Variants in AGBL4 observed in about 807,000 individuals in gnomAD.
The protein encoded by AGBL4 is cytosolic carboxypeptidase 6.
AGBL4 carries 58 observed loss-of-function variants against 66.4 expected under a neutral mutation model. That is an observed-to-expected ratio of 0.87 (90% CI 0.71 to 1.09). AGBL4 has a LOEUF of 1.09. Among genes scored for constraint, AGBL4 ranks in the 50% least tolerant of loss-of-function variants. The pLI, the probability that AGBL4 is intolerant of heterozygous loss-of-function variation, is 0.00. For synonymous variants in AGBL4, 234 were observed against 222.9 expected (o/e 1.05, Z -0.44); for missense variants, 579 against 631.0 (o/e 0.92, Z 0.88).
intron 4 of AGBL4, among the ~76,000 whole-genome samples, chr1:49,207,148 T>C (rs1286900835): frequency 6.6e-6 from 1 of 152,124 alleles, no homozygotes; most frequent in Non-Finnish European, 1.5e-5. Context: ...CAGGAGGCTC[T>C]GGGCAGGAGC....
intron 1 of AGBL4, among the ~76,000 whole-genome samples, chr1:50,022,677 T>TC (rs1448007260): frequency 2.0e-5 from 3 of 148,356 alleles, no homozygotes; most frequent in Non-Finnish European, 4.5e-5. Flanking sequence ...CCAAAGTAAT[T>TC]CAAGTGGATC....
chr1:48,593,245 AC>A (rs1468265053), intron 9 of AGBL4, among the ~76,000 whole-genome samples: 4 of 152,110 alleles, frequency 2.6e-5, no homozygotes, highest in African/African-American at 7.2e-5. Context: ...CCATAAACAC[AC>A]CATTCAGATC....
At chr1:49,185,001 A>G (rs905241435) in intron 4 of AGBL4, among the ~76,000 whole-genome samples, 2 of 152,150 alleles carry the variant, frequency 1.3e-5, no homozygotes, top group African/African-American at 4.8e-5. Flanking sequence ...AAGTGTTTTC[A>G]TATGTATTTG....
chr1:49,463,747 G>C (rs917262877), intron 3 of AGBL4, among the ~76,000 whole-genome samples: 2 of 151,668 alleles, frequency 1.3e-5, no homozygotes, highest in African/African-American at 4.8e-5. Flanking sequence ...AAGAGCACTG[G>C]CACAGAAAAC....
chr1:49,540,656 TG>T (rs1008917459), intron 3 of AGBL4, among the ~76,000 whole-genome samples: 6 of 152,214 alleles, frequency 3.9e-5, no homozygotes, highest in African/African-American at 1.4e-4. Context: ...ATATATATAT[TG>T]TTTTCCTTAA....
intron 3 of AGBL4, among the ~76,000 whole-genome samples, chr1:49,503,978 C>T (rs1408291282): frequency 1.3e-5 from 2 of 152,006 alleles, no homozygotes; most frequent in Non-Finnish European, 2.9e-5. Flanking sequence ...TTGGGAAGGG[C>T]TGGGACAAAA....
At chr1:48,855,652 A>G (rs1470131424) in intron 6 of AGBL4, among the ~76,000 whole-genome samples, 1 of 152,222 alleles carries the variant, frequency 6.6e-6, no homozygotes, top group Non-Finnish European at 1.5e-5. Context: ...GTAAAAAACT[A>G]ATATAAAAAA....
At chr1:49,737,362 T>C (rs1054608179) in intron 2 of AGBL4, among the ~76,000 whole-genome samples, 2 of 151,978 alleles carry the variant, frequency 1.3e-5, no homozygotes, top group African/African-American at 4.8e-5. Flanking sequence ...ATAAAAAAAA[T>C]AAAATCATGT....
At chr1:48,780,177 A>G (rs1298811225) in intron 6 of AGBL4, among the ~76,000 whole-genome samples, 1 of 142,620 alleles carries the variant, frequency 7.0e-6, no homozygotes, top group Non-Finnish European at 1.5e-5. Flanking sequence ...TCCCTCCCCT[A>G]GTCCCCCAGC....
chr1:48,837,035 A>G (rs963784413), intron 6 of AGBL4, among the ~76,000 whole-genome samples: 1 of 148,270 alleles, frequency 6.7e-6, no homozygotes, highest in Non-Finnish European at 1.5e-5. Context: ...CATAAGTAAT[A>G]TGATAATATA....
At chr1:49,416,014 A>G (rs1376177305) in intron 3 of AGBL4, among the ~76,000 whole-genome samples, 1 of 152,112 alleles carries the variant, frequency 6.6e-6, no homozygotes, top group Non-Finnish European at 1.5e-5. Flanking sequence ...TATCTGGTTA[A>G]AATGGATTAT....
intron 4 of AGBL4, among the ~76,000 whole-genome samples, chr1:49,140,723 GTATAATTGAAA>G (rs765500260): frequency 5.9e-5 from 9 of 152,346 alleles, no homozygotes; most frequent in Non-Finnish European, 1.3e-4. Context: ...CCTGCATGCA[GTATAATTGAAA>G]TAGAATGTGC....
intron 6 of AGBL4, among the ~76,000 whole-genome samples, chr1:48,700,099 C>T (rs901047390): frequency 6.6e-6 from 1 of 152,118 alleles, no homozygotes; most frequent in East Asian, 1.9e-4. Flanking sequence ...CTATTAACTC[C>T]TCTGTGCCCC....
At chr1:49,700,009 TTA>T (rs1647057112) in intron 2 of AGBL4, among the ~76,000 whole-genome samples, 2 of 151,834 alleles carry the variant, frequency 1.3e-5, no homozygotes, top group Admixed American at 6.6e-5. Flanking sequence ...GTTCTACATC[TTA>T]TATATATAAA....
intron 9 of AGBL4, among the ~76,000 whole-genome samples, chr1:48,619,606 A>G (rs1312272444): frequency 5.9e-5 from 9 of 152,220 alleles, no homozygotes. Context: ...TGACTAATAA[A>G]GATTCGCCTT....
chr1:49,488,602 T>C (rs144758022), intron 3 of AGBL4, among the ~76,000 whole-genome samples: 180 of 151,926 alleles, frequency 1.2e-3, no homozygotes, highest in African/African-American at 4.2e-3. Context: ...TTATTGACTG[T>C]ACTCATCCTG....
rs551078794 is a variant in AGBL4, at chr1:49,354,252, G to A, written c.283-108388C>T. The stretch of plus-strand genomic sequence containing the variant: ...TGAATAAATGAGCCACAACATTGTC[G>A]CACATCCCATGAGGGAGTTAGGGAA... On this transcript the variant is annotated intron_variant, in intron 3 of 13. Transcript: ENST00000371839. Among the ~76,000 whole-genome samples the A allele has an allele frequency of 4.6e-5, 7 of 152,306 alleles. No individual in the cohort carries two copies. In the South Asian group the frequency reaches 1.5e-3, roughly 32 times the overall value.
chr1:49,422,934 G>A (rs1287058001), intron 3 of AGBL4: 2 of 152,182 alleles, frequency 1.3e-5, no homozygotes, highest in Non-Finnish European at 2.9e-5. Flanking sequence ...CAGGCACACA[G>A]CTAGACTACA....
At chr1:49,286,855 A>T (rs1360261405) in intron 3 of AGBL4, among the ~76,000 whole-genome samples, 1 of 152,204 alleles carries the variant, frequency 6.6e-6, no homozygotes, top group Non-Finnish European at 1.5e-5. Flanking sequence ...AGAATTGGGA[A>T]AAACTACTTT....
Sources: allele counts gnomAD v4.1 joint callset (sites outside exome capture counted in the v4.1 genomes callset), GRCh38; gene constraint gnomAD v4.1.1; transcripts MANE v1.5; gene names NCBI Gene and HGNC (gene_info 2026-07-23, HGNC 2026-07-21).